DBF4B: variants seen among roughly 807,000 people sequenced by gnomAD.
DBF4B encodes the protein DBF4B-CDC7 kinase regulatory subunit.
DBF4B carries 49 observed loss-of-function variants against 53.4 expected under a neutral mutation model. That is an observed-to-expected ratio of 0.92 (90% CI 0.73 to 1.16). The LOEUF (loss-of-function observed/expected upper bound fraction) is 1.16, where lower values mean the gene tolerates loss of function less well. Among genes scored for constraint, DBF4B ranks in the 50% most tolerant of loss-of-function variants. The pLI is 0.00. For missense variants in DBF4B, 692 were observed against 775.0 expected (o/e 0.89, Z 1.27); for synonymous variants, 257 against 288.7 (o/e 0.89, Z 1.11).
chr17:44,715,021 C>T (rs1973207374), intron 2 of DBF4B, among the ~76,000 whole-genome samples: 1 of 152,044 alleles, frequency 6.6e-6, no homozygotes, highest in African/African-American at 2.4e-5. Context: ...TGATGTGGGA[C>T]TTTTTTCATT....
chr17:44,745,495 G>A (rs1033548286), intron 10 of DBF4B, among the ~76,000 whole-genome samples: 1 of 152,222 alleles, frequency 6.6e-6, no homozygotes, highest in African/African-American at 2.4e-5. Flanking sequence ...GGGAAGCAAG[G>A]CACCTTCTCC....
chr17:44,732,248 G>A lies in DBF4B; in HGVS notation c.539G>A (p.Arg180Lys). 6.2e-7 allele frequency: 1 copy of A among 1,614,172 alleles called. No homozygotes were observed. Among genetic ancestry groups the A allele is most frequent in the South Asian group, 1.1e-5 (1 of 91,078 alleles). The change falls in exon 6 of 14, where the codon AGG (arginine) becomes AAG (lysine). Residue 180 changes from arginine to lysine, a missense_variant. By Grantham distance (26) the Arg-to-Lys change is conservative. This residue lies in a region of DBF4B where 597 missense variants were observed against 665.8 expected (regional missense o/e 0.90). Transcript: ENST00000315005. The part of the protein sequence containing the change: ...LLTNARSWGV[R>K]ILHVDEMMMH... Reference sequence around the variant, plus strand: ...ACCAATGCCCGCTCTTGGGGAGTGAGGATTCTGCACGTGGATGGTACCCTT... The same window carrying A: ...ACCAATGCCCGCTCTTGGGGAGTGAAGATTCTGCACGTGGATGGTACCCTT...
At chr17:44,748,937 C>G in intron 13 of DBF4B, 1 of 1,290,000 alleles carries the variant, frequency 7.8e-7, no homozygotes, top group Non-Finnish European at 1.0e-6. Context: ...TGGCAGCCCA[C>G]AGACAGACCA....
intron 1 of DBF4B, 71 bp from the exon 2 acceptor site, chr17:44,709,233 T>C (rs1272809392): frequency 6.9e-6 from 11 of 1,589,910 alleles, no homozygotes; most frequent in Non-Finnish European, 8.6e-6. Flanking sequence ...TGGGAGACAG[T>C]AGTGGGCGGG....
chr17:44,722,512 C>A (rs762550317), intron 2 of DBF4B, among the ~76,000 whole-genome samples: 1 of 152,202 alleles, frequency 6.6e-6, no homozygotes, highest in Non-Finnish European at 1.5e-5. Flanking sequence ...AAAGCATCCT[C>A]CTGCCTGGCA....
chr17:44,726,323 T>TA (rs1555676219), intron 3 of DBF4B, among the ~76,000 whole-genome samples: 70 of 149,786 alleles, frequency 4.7e-4, no homozygotes, highest in African/African-American at 1.6e-3. Flanking sequence ...TTTATTTATT[T>TA]ATTTATTTAT....
chr17:44,742,250 CA>C (rs200894792), intron 10 of DBF4B, among the ~76,000 whole-genome samples: 3,376 of 147,044 alleles, frequency 0.023, 81 homozygotes, highest in African/African-American at 0.05. Flanking sequence ...AAAAATGCAA[CA>C]AAAAAAAAAT....
chr17:44,717,707 CAAA>C (rs539318780), intron 2 of DBF4B, among the ~76,000 whole-genome samples: 9 of 85,764 alleles, frequency 1.0e-4, no homozygotes, highest in Non-Finnish European at 1.5e-4. Flanking sequence ...GACCTGGTCT[CAAA>C]AAAAAAAAAA....
At chr17:44,734,381 C>T (rs1975149850) in intron 7 of DBF4B, among the ~76,000 whole-genome samples, 2 of 152,176 alleles carry the variant, frequency 1.3e-5, no homozygotes, top group African/African-American at 4.8e-5. Flanking sequence ...TCCCATGGCA[C>T]ACACCCTGCT....
At chr17:44,715,152 G>A (rs1308730102) in intron 2 of DBF4B, among the ~76,000 whole-genome samples, 1 of 151,598 alleles carries the variant, frequency 6.6e-6, no homozygotes, top group Non-Finnish European at 1.5e-5. Flanking sequence ...AACTTTTATT[G>A]TTTGGATATT....
At chr17:44,720,948 C>T (rs750506927) in intron 2 of DBF4B, among the ~76,000 whole-genome samples, 4 of 152,006 alleles carry the variant, frequency 2.6e-5, no homozygotes, top group Non-Finnish European at 5.9e-5. Flanking sequence ...TCACTGTAAC[C>T]TCCACCTCCT....
chr17:44,746,882 C>T (rs536567032), intron 10 of DBF4B, among the ~76,000 whole-genome samples: 33 of 151,876 alleles, frequency 2.2e-4, no homozygotes, highest in Middle Eastern at 3.4e-3. Context: ...GGTCTCCAGA[C>T]GTCTTCTTCC....
At chr17:44,732,549 T>C in intron 6 of DBF4B, 1 of 381,900 alleles carries the variant, frequency 2.6e-6, no homozygotes, top group Non-Finnish European at 4.8e-6. Flanking sequence ...GATCCTGTTT[T>C]ACAAATGCAG....
chr17:44,716,282 T>A (rs1028198250), intron 2 of DBF4B, among the ~76,000 whole-genome samples: 2 of 152,010 alleles, frequency 1.3e-5, no homozygotes, highest in South Asian at 2.1e-4. Context: ...TTGTCACTAG[T>A]TTGTATGTTT....
At chr17:44,712,762 A>G (rs1972994326) in intron 2 of DBF4B, among the ~76,000 whole-genome samples, 1 of 149,488 alleles carries the variant, frequency 6.7e-6, no homozygotes, top group Admixed American at 6.7e-5. Context: ...TTTTATAGAG[A>G]TGGGGTCTCA....
chr17:44,748,248 G>A (rs1415530667), intron 12 of DBF4B, 93 bp from the exon 13 acceptor site: 44 of 1,487,570 alleles, frequency 3.0e-5, no homozygotes, highest in South Asian at 1.5e-4. Flanking sequence ...CACATGAACC[G>A]CCAGCTGTGG....
At chr17:44,725,116 C>CAA (rs57821218) in intron 3 of DBF4B, among the ~76,000 whole-genome samples, 530 of 45,482 alleles carry the variant, frequency 0.012, 7 homozygotes, top group Middle Eastern at 0.022. Flanking sequence ...GACTCCATCT[C>CAA]AAAAAAAAAA....
intron 10 of DBF4B, among the ~76,000 whole-genome samples, chr17:44,741,905 A>G (rs1976070736): frequency 6.6e-6 from 1 of 152,030 alleles, no homozygotes; most frequent in Admixed American, 6.6e-5. Context: ...TCAAACTCAT[A>G]TCTATAGACC....
At chr17:44,742,315 C>T (rs1355917972) in intron 10 of DBF4B, among the ~76,000 whole-genome samples, 1 of 149,354 alleles carries the variant, frequency 6.7e-6, no homozygotes, top group Non-Finnish European at 1.5e-5. Context: ...GAGGCTGAGG[C>T]AGGAGAATGG....
Sources: allele counts gnomAD v4.1 joint callset (sites outside exome capture counted in the v4.1 genomes callset), GRCh38; gene constraint gnomAD v4.1.1; regional missense constraint gnomAD v4.1.1; transcripts MANE v1.5; gene names NCBI Gene and HGNC (gene_info 2026-07-23, HGNC 2026-07-21).